The following CYP4F11 variants were observed in gnomAD, a reference collection of about 807,000 sequenced individuals.
CYP4F11 encodes cytochrome P450 family 4 subfamily F member 11.
In CYP4F11, 79 loss-of-function variants were observed where a neutral mutation model predicts 62.2. The observed-to-expected ratio is 1.27, with a 90% confidence interval of 1.06 to 1.53. CYP4F11 has a LOEUF of 1.53. Among genes scored for constraint, CYP4F11 ranks in the 40% most tolerant of loss-of-function variants. The probability of loss-of-function intolerance (pLI) is 0.00; values close to 1 mark genes in which losing one functional copy is unlikely to be tolerated. For missense variants in CYP4F11, 777 were observed against 680.5 expected, an observed-to-expected ratio of 1.14 and a Z score of -1.58; for synonymous variants, 290 against 263.7, an observed-to-expected ratio of 1.10 and a Z score of -0.97.
intron 2 of CYP4F11, among the ~76,000 whole-genome samples, chr19:15,928,800 G>A (rs1459124183): frequency 6.6e-6 from 1 of 152,204 alleles, no homozygotes; most frequent in Non-Finnish European, 1.5e-5. Context: ...GATTGCTGGG[G>A]CCTGGAGCAG....
At chr19:15,914,539 C>T in intron 10 of CYP4F11, 63 bp downstream of exon 10, 1 of 1,600,962 alleles carries the variant, frequency 6.2e-7, no homozygotes, top group South Asian at 1.1e-5. Context: ...GGTCAAAACC[C>T]TGTCACCTCC....
intron 9 of CYP4F11, 32 bp downstream of exon 9, chr19:15,914,730 C>A: frequency 6.2e-7 from 1 of 1,613,860 alleles, no homozygotes; most frequent in Non-Finnish European, 8.5e-7. Flanking sequence ...TCTTGCTACC[C>A]AGGAGGCTCC....
chr19:15,929,989 A>G (rs1207403291), intron 1 of CYP4F11, among the ~76,000 whole-genome samples: 2 of 152,140 alleles, frequency 1.3e-5, no homozygotes, highest in African/African-American at 4.8e-5. Flanking sequence ...TGCAGATGCT[A>G]TATCATGGGA....
At position 15,934,452 on chromosome 19, in the gene CYP4F11, G is replaced by C; in HGVS notation, c.-44C>G. The C allele has an allele frequency of 6.2e-7, 1 of 1,604,770 alleles. No homozygotes were observed. Among genetic ancestry groups the C allele is most frequent in the Non-Finnish European group, 8.5e-7 (1 of 1,176,852 alleles). On this transcript the variant is annotated 5_prime_UTR_variant, in exon 1 of 12. Coordinates refer to ENST00000402119, the MANE Select transcript of CYP4F11 (RefSeq NM_021187.4). ...TGGAGGGTGGGATCCTGAGGCCCAG[G>C]GAAGGGCCCAGGAAGCTCCAAGGAC...
chr19:15,927,572 A>G, intron 2 of CYP4F11, 89 bp from the exon 3 acceptor site: 2 of 1,553,444 alleles, frequency 1.3e-6, no homozygotes, highest in Non-Finnish European at 1.8e-6. Flanking sequence ...AGGGGTGTGC[A>G]CTTCCACGCA....
At chr19:15,920,496 TA>T (rs1006315966) in intron 8 of CYP4F11, among the ~76,000 whole-genome samples, 6 of 152,222 alleles carry the variant, frequency 3.9e-5, no homozygotes, top group Non-Finnish European at 8.8e-5. Flanking sequence ...AAACAATGTG[TA>T]ATTTTGCTTG....
intron 2 of CYP4F11, among the ~76,000 whole-genome samples, chr19:15,929,219 G>C (rs1048031568): frequency 6.6e-6 from 1 of 152,164 alleles, no homozygotes; most frequent in African/African-American, 2.4e-5. Flanking sequence ...CCTAAATTGA[G>C]GCTTTTTGGA....
At position 15,913,515 on chromosome 19, in the gene CYP4F11, A is replaced by T. The variant is rs1297533909; in HGVS notation, c.*217T>A. The T allele has an allele frequency of 3.4e-6, 2 of 593,984 alleles. No homozygotes were observed. The highest frequency in any genetic ancestry group is 6.1e-5 in the Admixed American group (2 of 33,056). The allele number at this position is 593,984 out of a possible 1,614,324, so 36.8% of individuals were successfully genotyped here. A position where few individuals can be genotyped will look rare whatever the true frequency, so the allele number is the denominator to read the frequency against. ...ATAAAGTTTTTACTTGGGCTCTGGGAGAACCCACTAAGGGCCTAGATGCCC... is the reference window on the plus strand; with the variant it reads ...ATAAAGTTTTTACTTGGGCTCTGGGTGAACCCACTAAGGGCCTAGATGCCC... On this transcript the variant is annotated 3_prime_UTR_variant, in exon 12 of 12. Transcript: ENST00000402119.
At chr19:15,918,764 A>G (rs1220602060) in intron 8 of CYP4F11, among the ~76,000 whole-genome samples, 1 of 152,188 alleles carries the variant, frequency 6.6e-6, no homozygotes, top group African/African-American at 2.4e-5. Flanking sequence ...ATGCAACTAC[A>G]AAAAAGGAGG....
intron 4 of CYP4F11, 56 bp from the exon 5 acceptor site, chr19:15,924,938 C>T (rs193236285): frequency 1.3e-6 from 2 of 1,558,744 alleles, no homozygotes; most frequent in Admixed American, 1.9e-5. Flanking sequence ...GAGCACCTTC[C>T]CAGACCCAAA....
At chr19:15,915,824 T>C (rs975186805) in intron 8 of CYP4F11, among the ~76,000 whole-genome samples, 2 of 151,878 alleles carry the variant, frequency 1.3e-5, no homozygotes, top group Non-Finnish European at 2.9e-5. Flanking sequence ...CTAAACATTG[T>C]CCTATTATAA....
Position 15,913,363 on chromosome 19 carries a change from A to T in CYP4F11, c.*369T>A, listed in dbSNP as rs1394801678. On this transcript the variant is annotated 3_prime_UTR_variant, in exon 12 of 12. Coordinates refer to ENST00000402119, the MANE Select transcript of CYP4F11 (RefSeq NM_021187.4). ...TCTTGGGAGGACATTCCCAGGACAG[A>T]TGAAGGGATCTGCCCCTATGGTTGT... The T allele has an allele frequency of 1.1e-5, 3 of 280,476 alleles. No homozygotes were observed. Among genetic ancestry groups the T allele is most frequent in the Middle Eastern group, 1.3e-3 (1 of 800 alleles). The allele number at this position is 280,476 out of a possible 1,614,324, so 17.4% of individuals were successfully genotyped here. A position where few individuals can be genotyped will look rare whatever the true frequency, so the allele number is the denominator to read the frequency against.
At chr19:15,914,513 G>A in intron 10 of CYP4F11, 89 bp downstream of exon 10, 2 of 1,559,920 alleles carry the variant, frequency 1.3e-6, no homozygotes, top group Non-Finnish European at 1.8e-6. Flanking sequence ...GAGGAGAGGT[G>A]ATGTTGGATT....
At position 15,922,419 on chromosome 19, in the gene CYP4F11, C is replaced by G. The variant is rs2145046025; in HGVS notation, c.930G>C (p.Gly310=). ...TTATGTCCTCATCAGACAATTCCTTCCCATCTTCATCCTGGAGAGAAGGCA... is the reference window on the plus strand; with the variant it reads ...TTATGTCCTCATCAGACAATTCCTTGCCATCTTCATCCTGGAGAGAAGGCA... ...DVLLLSKDED[G]KELSDEDIRA... The change falls in exon 7 of 12, where the codon GGG becomes GGC. Residue 310 remains glycine, a synonymous_variant. Transcript: ENST00000402119. 20 of 1,614,166 alleles carry G rather than the reference C, an allele frequency of 1.2e-5. No homozygotes were observed. Among genetic ancestry groups the G allele is most frequent in the Non-Finnish European group, 1.7e-5 (20 of 1,180,024 alleles).
Position 15,934,191 on chromosome 19 carries a change from C to G in CYP4F11, c.198+20G>C, listed in dbSNP as rs376275200. ...TCCATGCATCCTGAGACCCCAGACC[C>G]GTCCTGCTGACAAACTCACCAGGCC... On this transcript the variant is annotated intron_variant, in intron 1 of 11. Coordinates refer to ENST00000402119, the MANE Select transcript of CYP4F11 (RefSeq NM_021187.4). The G allele has an allele frequency of 6.8e-6, 11 of 1,612,584 alleles. No homozygotes were observed. The highest frequency in any genetic ancestry group is 4.0e-5 in the African/African-American group (3 of 74,850).
At position 15,927,484 on chromosome 19, in the gene CYP4F11, C is replaced by G; in HGVS notation, c.344-1G>C. 6.2e-7 allele frequency: 1 copy of G among 1,614,132 alleles called. No homozygotes were observed. Among genetic ancestry groups the G allele is most frequent in the Non-Finnish European group, 8.5e-7 (1 of 1,180,026 alleles). The stretch of plus-strand genomic sequence containing the variant: ...ATCATATCCTTGGGTGCGACAGCAG[C>G]TGACATGATTGAGGACCATCAGTGG... On this transcript the variant is annotated splice_acceptor_variant, in intron 2 of 11. Coordinates refer to ENST00000402119, the MANE Select transcript of CYP4F11 (RefSeq NM_021187.4). LOFTEE classifies it high-confidence loss of function.
At chr19:15,914,265 C>A (rs1439407190) in intron 11 of CYP4F11, 40 bp downstream of exon 11, 1 of 1,602,006 alleles carries the variant, frequency 6.2e-7, no homozygotes, top group Non-Finnish European at 8.5e-7. Context: ...ACCCCTGCAC[C>A]CATCATGCCA....
intron 2 of CYP4F11, chr19:15,928,222 C>A (rs376439174): frequency 6.6e-6 from 1 of 152,100 alleles, no homozygotes; most frequent in Non-Finnish European, 1.5e-5. Context: ...CAGACAAGAA[C>A]CAAAAAGACT....
At chr19:15,934,593 G>T (rs775114654), upstream of CYP4F11, 5 of 643,114 alleles carry the variant, frequency 7.8e-6, no homozygotes, top group Non-Finnish European at 1.3e-5. Flanking sequence ...CAGCAGCCAA[G>T]TGGCCTCCAG....
Sources: gnomAD v4.1 joint callset for allele counts (sites outside exome capture counted in the v4.1 genomes callset) on GRCh38, gnomAD v4.1.1 for gene constraint, MANE v1.5 for transcripts, NCBI Gene and HGNC (gene_info 2026-07-23, HGNC 2026-07-21) for gene names.